Variants in CAPN13 observed in about 807,000 individuals in gnomAD.
CAPN13 encodes the protein calpain 13.
CAPN13 carries 90 observed loss-of-function variants against 98.4 expected under a neutral mutation model. That is an observed-to-expected ratio of 0.92 (90% CI 0.77 to 1.09). CAPN13 has a LOEUF of 1.09. Ranked by LOEUF, CAPN13 falls within the 50% of genes least tolerant of loss-of-function variation. The pLI, the probability that CAPN13 is intolerant of heterozygous loss-of-function variation, is 0.00. For synonymous variants in CAPN13, 330 were observed against 305.5 expected, an observed-to-expected ratio of 1.08 and a Z score of -0.84; for missense variants, 887 against 841.3, an observed-to-expected ratio of 1.05 and a Z score of -0.67.
At position 30,742,592 on chromosome 2, in the gene CAPN13, C is replaced by T. The variant is rs546257661; in HGVS notation, c.1446-233G>A. On this transcript the variant is annotated intron_variant, in intron 13 of 22. Coordinates refer to ENST00000295055, the MANE Select transcript of CAPN13 (RefSeq NM_144575.3). Reference sequence around the variant, plus strand: ...TTAGTAAATGGTTCCTTCCACAACCCGATACACACTTCCAGCAACCCCCAT... The same window carrying T: ...TTAGTAAATGGTTCCTTCCACAACCTGATACACACTTCCAGCAACCCCCAT... 2.2e-4 allele frequency among the ~76,000 whole-genome samples: 33 copies of T among 152,246 alleles called. No individual in the cohort carries two copies. In the South Asian group the frequency reaches 5.6e-3, roughly 26 times the overall value.
chr2:30,806,621 G>C (rs918877622), intron 1 of CAPN13, among the ~76,000 whole-genome samples: 1 of 152,176 alleles, frequency 6.6e-6, no homozygotes, highest in African/African-American at 2.4e-5. Flanking sequence ...TTCTAATCTG[G>C]TTAACTTGGG....
chr2:30,797,049 G>A (rs1298043694), intron 1 of CAPN13, among the ~76,000 whole-genome samples: 7 of 152,190 alleles, frequency 4.6e-5, no homozygotes, highest in Non-Finnish European at 2.9e-5. Flanking sequence ...TGGCAAAAAT[G>A]TGCCAGACGG....
chr2:30,784,509 T>C (rs906523701), intron 2 of CAPN13, among the ~76,000 whole-genome samples: 1 of 152,086 alleles, frequency 6.6e-6, no homozygotes, highest in Non-Finnish European at 1.5e-5. Context: ...TTTTTATCCC[T>C]AAAAAGGGAA....
chr2:30,767,303 G>A (rs1673161598), intron 5 of CAPN13, among the ~76,000 whole-genome samples: 1 of 152,160 alleles, frequency 6.6e-6, no homozygotes, highest in Non-Finnish European at 1.5e-5. Context: ...AGTGAGGGGT[G>A]GGGGACCTTT....
Position 30,742,034 on chromosome 2 carries a change from G to C in CAPN13, c.1480-70C>G, listed in dbSNP as rs531887694. ...AGGCCACCCATCTGGTACAGCAAGGGTGCAACAACCCCTGCCAAGATCTGA... is the reference window on the plus strand; with the variant it reads ...AGGCCACCCATCTGGTACAGCAAGGCTGCAACAACCCCTGCCAAGATCTGA... On this transcript the variant is annotated intron_variant, in intron 14 of 22. Coordinates refer to ENST00000295055, the MANE Select transcript of CAPN13 (RefSeq NM_144575.3). 22 of 1,386,790 alleles carry C rather than the reference G, an allele frequency of 1.6e-5. No homozygotes were observed. The African/African-American group carries it at 2.7e-4, about 17-fold the overall frequency. 85.9% of individuals were successfully genotyped at this position (1,386,790 alleles called of 1,614,324 possible). A position where few individuals can be genotyped will look rare whatever the true frequency, so the allele number is the denominator to read the frequency against.
intron 7 of CAPN13, 36 bp from the exon 8 acceptor site, chr2:30,758,173 A>G: frequency 1.3e-6 from 2 of 1,497,640 alleles, no homozygotes; most frequent in Non-Finnish European, 1.8e-6. Flanking sequence ...TCAGTGCTCT[A>G]CAGCAAAAGT....
At chr2:30,731,312 G>A (rs777671541) in intron 21 of CAPN13, 32 bp downstream of exon 21, 36 of 1,588,442 alleles carry the variant, frequency 2.3e-5, no homozygotes, top group Non-Finnish European at 2.8e-5. Context: ...GCCTGGGACT[G>A]TGCCTGCCCC....
At chr2:30,731,216 TG>T (rs886290788) in intron 21 of CAPN13, 127 bp downstream of exon 21, 6 of 748,746 alleles carry the variant, frequency 8.0e-6, no homozygotes, top group Non-Finnish European at 1.0e-5. Context: ...AATTGGAGGT[TG>T]GGGGGACAGC....
In CAPN13 at chr2:30,787,228, C is replaced by T. The variant is rs370626547; in HGVS notation, c.98G>A (p.Arg33Gln). ...AGGGAATGTCTCATCCTTAAACGTC[C>T]GGCCCATGCTCAGGCAGTGATCCCG... ...TLRDHCLSMGRTFKDETFPAA... is the reference protein window; with the variant it reads ...TLRDHCLSMGQTFKDETFPAA... The change falls in exon 2 of 23, where the codon CGG becomes CAG. Residue 33 changes from arginine (R) to glutamine (Q), a missense_variant. By Grantham distance (43) the Arg-to-Gln change is conservative. Coordinates refer to ENST00000295055, the MANE Select transcript of CAPN13 (RefSeq NM_144575.3). 6.6e-5 allele frequency: 107 copies of T among 1,611,566 alleles called. No individual in the cohort carries two copies. In the African/African-American group the frequency reaches 7.1e-4, roughly 11 times the overall value.
At position 30,763,168 on chromosome 2, in the gene CAPN13, A is replaced by G; in HGVS notation, c.700-12T>C. 6.2e-7 allele frequency: 1 copy of G among 1,608,336 alleles called. No homozygotes were observed. On this transcript the variant is annotated splice_polypyrimidine_tract_variant and intron_variant, in intron 6 of 22. Coordinates refer to ENST00000295055, the MANE Select transcript of CAPN13 (RefSeq NM_144575.3). ...GCTGTATCTGTTGGCTTCAAGGCAG[A>G]AAAGCAGATCAAACATTAGACATCT...
rs768972918 is a variant in CAPN13 at position 30,743,337 on chromosome 2, A to G, written c.1445+46T>C. The G allele has an allele frequency of 3.9e-6, 6 of 1,519,130 alleles. 1 individual carries two copies. The South Asian group carries it at 4.5e-5, about 11-fold the overall frequency. The allele number at this position is 1,519,130 out of a possible 1,614,324, so 94.1% of individuals were successfully genotyped here. ...CCATAATTACACAATGTGTTTTTAT[A>G]AAGTTAAGTAGAATAAAACATTTAC... On this transcript the variant is annotated intron_variant, in intron 13 of 22. Transcript: ENST00000295055.
chr2:30,760,654 C>G (rs1369097415), intron 7 of CAPN13, among the ~76,000 whole-genome samples: 2 of 152,218 alleles, frequency 1.3e-5, no homozygotes, highest in Admixed American at 6.5e-5. Flanking sequence ...CTGGTTTAAT[C>G]TTAGCACTTG....
At chr2:30,793,228 C>T (rs1674692592) in intron 1 of CAPN13, among the ~76,000 whole-genome samples, 1 of 151,616 alleles carries the variant, frequency 6.6e-6, no homozygotes, top group African/African-American at 2.4e-5. Context: ...GGTAGGAAAT[C>T]TACAAAACAA....
intron 1 of CAPN13, among the ~76,000 whole-genome samples, chr2:30,804,610 A>G (rs1675494142): frequency 6.6e-6 from 1 of 152,152 alleles, no homozygotes. Context: ...ACAGCCCCCA[A>G]AATTAGTGTT....
At chr2:30,743,152 A>G in intron 13 of CAPN13, 3 of 560,422 alleles carry the variant, frequency 5.4e-6, no homozygotes, top group Non-Finnish European at 9.5e-6. Flanking sequence ...CTCCCGTGCC[A>G]CTTTGCATTT....
rs535842447 is a variant in CAPN13 at position 30,761,665 on chromosome 2, G to C, written c.774+1417C>G. Among the ~76,000 whole-genome samples, 53 of 152,286 alleles carry C rather than the reference G, an allele frequency of 3.5e-4. 1 individual carries two copies. The highest frequency in any genetic ancestry group is 1.6e-3 in the Admixed American group (25 of 15,302). On this transcript the variant is annotated intron_variant, in intron 7 of 22. Coordinates refer to ENST00000295055, the MANE Select transcript of CAPN13 (RefSeq NM_144575.3). ...CTTCCTCATCTCATGCCCCAAACAG[G>C]TATTACTAATTGATAACAGCTCTCT... is the stretch of plus-strand genomic sequence containing the variant.
intron 22 of CAPN13, among the ~76,000 whole-genome samples, chr2:30,730,080 G>A (rs967889149): frequency 2.6e-5 from 4 of 152,170 alleles, no homozygotes; most frequent in Non-Finnish European, 4.4e-5. Context: ...CCTAACACTC[G>A]GAGATGTCCA....
intron 12 of CAPN13, among the ~76,000 whole-genome samples, chr2:30,744,449 G>A (rs147761786): frequency 1.3e-5 from 2 of 152,268 alleles, no homozygotes; most frequent in Non-Finnish European, 2.9e-5. Flanking sequence ...GGGCCCTTAT[G>A]GCAAAAGCAA....
At chr2:30,782,113 T>C (rs1325365034) in intron 2 of CAPN13, among the ~76,000 whole-genome samples, 1 of 152,140 alleles carries the variant, frequency 6.6e-6, no homozygotes, top group Non-Finnish European at 1.5e-5. Context: ...GAAAATACGC[T>C]CTCTGATGTG....
Sources: allele counts gnomAD v4.1 joint callset (sites outside exome capture counted in the v4.1 genomes callset), GRCh38; gene constraint gnomAD v4.1.1; transcripts MANE v1.5; gene names NCBI Gene and HGNC (gene_info 2026-07-23, HGNC 2026-07-21).